FARP1: variants seen among roughly 807,000 people sequenced by gnomAD.
FARP1 encodes FERM, ARH/RhoGEF and pleckstrin domain protein 1.
In FARP1, 52 loss-of-function variants were observed where a neutral mutation model predicts 128.8. The ratio of observed to expected loss-of-function variants is 0.40; its 90% CI spans 0.32 to 0.51. The LOEUF (loss-of-function observed/expected upper bound fraction) is 0.51, where lower values mean the gene tolerates loss of function less well. Ranked by LOEUF, FARP1 falls within the 20% of genes least tolerant of loss-of-function variation. FARP1 has a pLI of 0.45. For synonymous variants in FARP1, 580 were observed against 551.8 expected, an observed-to-expected ratio of 1.05 and a Z score of -0.72; for missense variants, 1,333 against 1,367.9, an observed-to-expected ratio of 0.97 and a Z score of 0.40.
intron 2 of FARP1, among the ~76,000 whole-genome samples, chr13:98,337,771 T>C (rs887708995): frequency 1.3e-5 from 2 of 152,168 alleles, no homozygotes; most frequent in Middle Eastern, 3.2e-3. Flanking sequence ...CTTGAATCTA[T>C]CTCATCGTTG....
At chr13:98,370,918 G>A (rs143605668) in intron 5 of FARP1, among the ~76,000 whole-genome samples, 24 of 152,296 alleles carry the variant, frequency 1.6e-4, no homozygotes, top group African/African-American at 5.3e-4. Flanking sequence ...AGGAGGGACA[G>A]CCCGAGCTGC....
chr13:98,162,253 A>G (rs7491796), intron 1 of FARP1, among the ~76,000 whole-genome samples: 2 of 152,190 alleles, frequency 1.3e-5, no homozygotes, highest in Non-Finnish European at 2.9e-5. Flanking sequence ...GAGATGAATC[A>G]GTTAATACTC....
At chr13:98,338,722 C>A (rs1290296287) in intron 2 of FARP1, 1 of 152,200 alleles carries the variant, frequency 6.6e-6, no homozygotes, top group Non-Finnish European at 1.5e-5. Flanking sequence ...TTTTGAGAAA[C>A]TGCTGTACTG....
intron 2 of FARP1, among the ~76,000 whole-genome samples, chr13:98,290,592 G>A (rs1885404276): frequency 6.6e-6 from 1 of 152,118 alleles, no homozygotes; most frequent in Non-Finnish European, 1.5e-5. Context: ...GAACAGTTCA[G>A]AGTTTATTCT....
intron 2 of FARP1, among the ~76,000 whole-genome samples, chr13:98,299,412 G>T (rs1885831717): frequency 2.6e-5 from 4 of 152,174 alleles, no homozygotes; most frequent in Admixed American, 1.3e-4. Context: ...GGGCCCAGCA[G>T]GCGAAATGTA....
intron 2 of FARP1, among the ~76,000 whole-genome samples, chr13:98,320,062 T>A (rs960674935): frequency 2.0e-5 from 3 of 152,126 alleles, no homozygotes; most frequent in Non-Finnish European, 4.4e-5. Context: ...CAGGCCTGTG[T>A]GGTCAGACAC....
intron 3 of FARP1, among the ~76,000 whole-genome samples, chr13:98,353,241 A>C (rs1351267544): frequency 6.6e-6 from 1 of 152,156 alleles, no homozygotes; most frequent in Non-Finnish European, 1.5e-5. Flanking sequence ...AACTCTGCAT[A>C]GTGGTTACCT....
intron 2 of FARP1, chr13:98,333,057 G>A (rs575329429): frequency 2.0e-4 from 31 of 152,272 alleles, no homozygotes; most frequent in African/African-American, 7.5e-4. Context: ...TTAGACCACT[G>A]AGCCCAAGGA....
intron 2 of FARP1, among the ~76,000 whole-genome samples, chr13:98,256,641 C>T (rs1172553781): frequency 1.3e-5 from 2 of 151,206 alleles, no homozygotes; most frequent in Non-Finnish European, 2.9e-5. Context: ...TTCACTGCAA[C>T]CTCCACCTCC....
intron 2 of FARP1, among the ~76,000 whole-genome samples, chr13:98,262,185 T>G (rs1883917000): frequency 6.7e-6 from 1 of 148,600 alleles, no homozygotes; most frequent in Non-Finnish European, 1.5e-5. Context: ...CCTGCTAATT[T>G]TTTTTTTTTT....
chr13:98,324,090 T>TA (rs1887124523), intron 2 of FARP1, among the ~76,000 whole-genome samples: 1 of 152,222 alleles, frequency 6.6e-6, no homozygotes, highest in South Asian at 2.1e-4. Context: ...AAAGTTTCAT[T>TA]AAAGAGTTAA....
chr13:98,412,370 G>T (rs1594506865), intron 16 of FARP1, among the ~76,000 whole-genome samples: 1 of 152,338 alleles, frequency 6.6e-6, no homozygotes, highest in East Asian at 1.9e-4. Context: ...AGGGGTGCTG[G>T]TAATATTTTA....
intron 16 of FARP1, among the ~76,000 whole-genome samples, chr13:98,414,632 A>T (rs1566303207): frequency 6.6e-6 from 1 of 152,184 alleles, no homozygotes. Flanking sequence ...GGTAGAACCA[A>T]TGCATTCGTA....
chr13:98,312,734 A>C (rs1350525469), intron 2 of FARP1, among the ~76,000 whole-genome samples: 1 of 152,122 alleles, frequency 6.6e-6, no homozygotes, highest in Admixed American at 6.5e-5. Flanking sequence ...ACATCAGTTT[A>C]TAAGCCTCTC....
intron 1 of FARP1, among the ~76,000 whole-genome samples, chr13:98,162,767 G>C (rs547337910): frequency 6.6e-6 from 1 of 152,262 alleles, no homozygotes; most frequent in East Asian, 1.9e-4. Flanking sequence ...TCTAGGAGTG[G>C]CTGAGGCGCC....
intron 2 of FARP1, among the ~76,000 whole-genome samples, chr13:98,234,857 A>C (rs1882328775): frequency 6.6e-6 from 1 of 152,216 alleles, no homozygotes; most frequent in Admixed American, 6.5e-5. Flanking sequence ...TCCACATAGG[A>C]CCGAAAGACT....
At chr13:98,339,417 A>G (rs1887872260) in intron 2 of FARP1, among the ~76,000 whole-genome samples, 1 of 152,188 alleles carries the variant, frequency 6.6e-6, no homozygotes, top group Non-Finnish European at 1.5e-5. Flanking sequence ...CCCATGATCC[A>G]GCTACCTCCC....
chr13:98,291,842 C>T (rs370368838), intron 2 of FARP1, among the ~76,000 whole-genome samples: 1 of 152,380 alleles, frequency 6.6e-6, no homozygotes, highest in African/African-American at 2.4e-5. Flanking sequence ...TCTGTGTAAA[C>T]AGCACCAAGT....
At chr13:98,266,806 G>A (rs9584785) in intron 2 of FARP1, among the ~76,000 whole-genome samples, 63,542 of 151,854 alleles carry the variant, frequency 0.42, 14,102 homozygotes, top group African/African-American at 0.56. Context: ...GAGGTCAGGA[G>A]TTCGAGACCA....
Sources: allele counts gnomAD v4.1 joint callset (sites outside exome capture counted in the v4.1 genomes callset), GRCh38; gene constraint gnomAD v4.1.1; transcripts MANE v1.5; gene names NCBI Gene and HGNC (gene_info 2026-07-23, HGNC 2026-07-21).